KDM4B: variants seen among roughly 807,000 people sequenced by gnomAD.
KDM4B encodes lysine-specific demethylase 4B.
KDM4B carries 32 observed loss-of-function variants against 125.2 expected under a neutral mutation model. That is an observed-to-expected ratio of 0.26 (90% confidence interval 0.19 to 0.34). KDM4B has a LOEUF of 0.34. Ranked by LOEUF, KDM4B falls within the 10% of genes least tolerant of loss-of-function variation. The pLI, the probability that KDM4B is intolerant of heterozygous loss-of-function variation, is 1.00. For synonymous variants in KDM4B, 721 were observed against 677.9 expected, an observed-to-expected ratio of 1.06 and a Z score of -0.99; for missense variants, 1,190 against 1,577.7, an observed-to-expected ratio of 0.75 and a Z score of 4.16.
chr19:5,116,143 G>A (rs559892356), intron 10 of KDM4B, among the ~76,000 whole-genome samples: 2 of 147,478 alleles, frequency 1.4e-5, no homozygotes, highest in Non-Finnish European at 3.0e-5. Flanking sequence ...GCTCATGCCT[G>A]TGATCCCAGC....
chr19:5,099,573 A>G (rs2038892550), intron 9 of KDM4B, among the ~76,000 whole-genome samples: 1 of 152,258 alleles, frequency 6.6e-6, no homozygotes, highest in African/African-American at 2.4e-5. Context: ...AGCATCCAAG[A>G]TGGAGTTGCT....
chr19:5,061,085 T>C (rs2037580833), intron 6 of KDM4B, among the ~76,000 whole-genome samples: 1 of 152,158 alleles, frequency 6.6e-6, no homozygotes, highest in Non-Finnish European at 1.5e-5. Flanking sequence ...GGAGGGCCAG[T>C]GTGACGACAC....
intron 6 of KDM4B, among the ~76,000 whole-genome samples, chr19:5,054,029 A>G (rs1038606093): frequency 6.6e-6 from 1 of 152,262 alleles, no homozygotes; most frequent in African/African-American, 2.4e-5. Flanking sequence ...GCATCAGTGC[A>G]GCGGTTCTTT....
At chr19:5,111,257 G>A (rs2039138469) in intron 10 of KDM4B, 4 of 662,242 alleles carry the variant, frequency 6.0e-6, no homozygotes, top group Non-Finnish European at 8.2e-6. Flanking sequence ...GAGAGCAGTC[G>A]GGTTCCCTGC....
At chr19:5,130,630 G>A (rs191630866) in intron 11 of KDM4B, among the ~76,000 whole-genome samples, 2 of 152,374 alleles carry the variant, frequency 1.3e-5, no homozygotes, top group East Asian at 1.9e-4. Flanking sequence ...AGAAATGTAC[G>A]TAATTCGGAT....
chr19:5,130,507 T>A (rs776207976), intron 11 of KDM4B, among the ~76,000 whole-genome samples: 8 of 152,220 alleles, frequency 5.3e-5, no homozygotes, highest in Non-Finnish European at 1.2e-4. Context: ...ATCTGACGCT[T>A]CCTGGTTCGC....
At chr19:4,972,904 C>T (rs2034310216) in intron 1 of KDM4B, among the ~76,000 whole-genome samples, 1 of 152,184 alleles carries the variant, frequency 6.6e-6, no homozygotes, top group African/African-American at 2.4e-5. Context: ...GAGGGGCAGC[C>T]CGGCATCTGT....
Position 5,032,196 on chromosome 19 carries a change from G to A in KDM4B, c.-25-670G>A, listed in dbSNP as rs562268373. Among the ~76,000 whole-genome samples the A allele has an allele frequency of 7.9e-5, 12 of 152,362 alleles. No individual in the cohort carries two copies. In the East Asian group the frequency reaches 1.7e-3, roughly 22 times the overall value. ...ACTCCGATGTTTCCAGGCGGGTGCC[G>A]TCAGTGAATCACTTGGCCTGGTGCA... is the stretch of plus-strand genomic sequence containing the variant. On this transcript the variant is annotated intron_variant, in intron 2 of 22. Transcript: ENST00000159111.
In KDM4B at chr19:5,134,071, C is replaced by A. The variant is rs374099435; in HGVS notation, c.2085+10C>A. ...CTACCCCTACTGCCAGGTGGGCAGG[C>A]GGGCCTCACGGGTCCCAGAGAACCC... is the stretch of plus-strand genomic sequence containing the variant. On this transcript the variant is annotated intron_variant, in intron 14 of 22. Coordinates refer to ENST00000159111, the MANE Select transcript of KDM4B (RefSeq NM_015015.3). 2 of 1,574,952 alleles carry A rather than the reference C, an allele frequency of 1.3e-6. No individual in the cohort carries two copies. The highest frequency in any genetic ancestry group is 8.6e-7 in the Non-Finnish European group (1 of 1,159,102).
intron 8 of KDM4B, chr19:5,077,739 G>A (rs2038164286): frequency 2.2e-6 from 1 of 446,224 alleles, no homozygotes; most frequent in Non-Finnish European, 4.0e-6. Context: ...GGCCATCAGA[G>A]GCCCCTCCGC....
chr19:5,096,984 C>T (rs1184264930), intron 9 of KDM4B, among the ~76,000 whole-genome samples: 2 of 152,098 alleles, frequency 1.3e-5, no homozygotes, highest in Non-Finnish European at 2.9e-5. Context: ...TGGCTTCCAC[C>T]AGAATCGACA....
chr19:5,066,346 C>T (rs775779762), intron 6 of KDM4B, among the ~76,000 whole-genome samples: 1 of 152,162 alleles, frequency 6.6e-6, no homozygotes, highest in African/African-American at 2.4e-5. Context: ...GCCCCTGTGC[C>T]GGGGTGTCCT....
chr19:5,119,827 C>G lies in KDM4B; in HGVS notation c.1290C>G (p.His430Gln). Residue 430 changes from histidine to glutamine, a missense_variant, in exon 11 of 23, where the codon CAC (histidine) becomes CAG (glutamine). Transcript: ENST00000159111. ...AGGAGGAGCCGCAGCCACTGCCACA[C>G]GGCCGGGAGGCCGAGGGCGCAGAAG... is the stretch of plus-strand genomic sequence containing the variant. ...EEEEEPQPLP[H>Q]GREAEGAEED... 1.0e-5 allele frequency: 16 copies of G among 1,544,542 alleles called. No homozygotes were observed. The highest frequency in any genetic ancestry group is 1.4e-5 in the Non-Finnish European group (16 of 1,145,110).
chr19:5,062,196 A>G (rs1367234418), intron 6 of KDM4B, among the ~76,000 whole-genome samples: 1 of 152,164 alleles, frequency 6.6e-6, no homozygotes, highest in Non-Finnish European at 1.5e-5. Context: ...CAGCCAGGAT[A>G]TGGGACCTCA....
chr19:5,144,763 C>T lies in KDM4B; in HGVS notation c.2902-20C>T, dbSNP rs371556222. 4 of 1,613,368 alleles carry T rather than the reference C, an allele frequency of 2.5e-6. No individual in the cohort carries two copies. Among genetic ancestry groups the T allele is most frequent in the African/African-American group, 1.3e-5 (1 of 75,052 alleles). ...GCGTAGTGTGGCCAGGACCTCACCT[C>T]CCACCTCTTCTCCCTGCAGAGTAGG... On this transcript the variant is annotated intron_variant, in intron 20 of 22. Coordinates refer to ENST00000159111, the MANE Select transcript of KDM4B (RefSeq NM_015015.3).
chr19:5,149,063 A>G (rs1419016717), intron 21 of KDM4B, among the ~76,000 whole-genome samples: 1 of 152,244 alleles, frequency 6.6e-6, no homozygotes, highest in African/African-American at 2.4e-5. Context: ...TGGAACCCAC[A>G]GCAGACACTT....
chr19:5,021,682 C>T (rs576589519), intron 2 of KDM4B, among the ~76,000 whole-genome samples: 4 of 139,304 alleles, frequency 2.9e-5, no homozygotes, highest in South Asian at 4.5e-4. Context: ...TGTTGCCAGA[C>T]TGGAGTGCAG....
intron 9 of KDM4B, among the ~76,000 whole-genome samples, chr19:5,104,018 C>T (rs1206254903): frequency 6.6e-6 from 1 of 152,222 alleles, no homozygotes; most frequent in African/African-American, 2.4e-5. Context: ...GAAGGAGGGG[C>T]CCTCCCCACG....
In KDM4B at chr19:5,035,585, G is replaced by A. The variant is rs994962869; in HGVS notation, c.141+2554G>A. Among the ~76,000 whole-genome samples the A allele has an allele frequency of 1.3e-5, 2 of 151,920 alleles. No homozygotes were observed. The highest frequency in any genetic ancestry group is 2.9e-5 in the Non-Finnish European group (2 of 67,988). ...CCCTCCCTCTGCCTCCTTGGCTGCCGCCTCTTTGAGCCCTCATGTCGCTGC... is the reference window on the plus strand; with the variant it reads ...CCCTCCCTCTGCCTCCTTGGCTGCCACCTCTTTGAGCCCTCATGTCGCTGC... On this transcript the variant is annotated intron_variant, in intron 3 of 22. Transcript: ENST00000159111. This position sits in a 1 kb window ranked among gnomAD's most constrained non-coding sequence, Gnocchi z 5.3.
Sources: gnomAD v4.1 joint callset for allele counts (sites outside exome capture counted in the v4.1 genomes callset) on GRCh38, gnomAD v4.1.1 for gene constraint, Gnocchi (gnomAD v3.1) non-coding constraint, MANE v1.5 for transcripts, NCBI Gene and HGNC (gene_info 2026-07-23, HGNC 2026-07-21) for gene names.